Variants in SLC38A4 observed in about 807,000 individuals in gnomAD.
SLC38A4 encodes solute carrier family 38 member 4, also known as sodium-coupled neutral amino acid transporter 4.
In SLC38A4, 20 loss-of-function variants were observed where a neutral mutation model predicts 63.1. That is an observed-to-expected ratio of 0.32 (90% CI 0.22 to 0.46). SLC38A4 has a LOEUF of 0.46. Among genes scored for constraint, SLC38A4 ranks in the 20% least tolerant of loss-of-function variants. The pLI is 1.00. For synonymous variants in SLC38A4, 230 were observed against 225.5 expected, an observed-to-expected ratio of 1.02 and a Z score of -0.18; for missense variants, 526 against 663.6, an observed-to-expected ratio of 0.79 and a Z score of 2.28.
At chr12:46,805,868 T>A (rs75017413) in intron 1 of SLC38A4, among the ~76,000 whole-genome samples, 9,111 of 152,002 alleles carry the variant, frequency 0.06, 344 homozygotes, top group Middle Eastern at 0.12. Context: ...AATAGATATA[T>A]GAGATTTGGT....
chr12:46,819,670 A>T (rs947288266), intron 1 of SLC38A4, among the ~76,000 whole-genome samples: 3 of 151,876 alleles, frequency 2.0e-5, no homozygotes, highest in African/African-American at 7.2e-5. Flanking sequence ...GTATAGATAA[A>T]CTACAACAGA....
At chr12:46,768,511 T>C in intron 15 of SLC38A4, 104 bp from the exon 16 acceptor site, 1 of 647,256 alleles carries the variant, frequency 1.5e-6, no homozygotes, top group Non-Finnish European at 2.5e-6. Flanking sequence ...AGCTATCCTA[T>C]ACTTAGCACT....
rs201866722 is a variant in SLC38A4, at chr12:46,766,752, T to C, written c.1593A>G (p.Ala531=). The change falls in exon 17 of 17, where the codon GCA becomes GCG. Residue 531 remains alanine, a synonymous_variant. Transcript: ENST00000266579. The part of the protein sequence containing the change: ...VGIFFMIGSM[A]LIIIDWIYDP... ...CATAAATCCAGTCAATTATAATGAG[T>C]GCCATGCTTCCAATCATGAAGAATA... 6.2e-6 allele frequency: 10 copies of C among 1,612,202 alleles called. No individual in the cohort carries two copies. The highest frequency in any genetic ancestry group is 2.2e-5 in the East Asian group (1 of 44,772).
chr12:46,777,938 C>T (rs564770075), intron 12 of SLC38A4, among the ~76,000 whole-genome samples: 38 of 152,076 alleles, frequency 2.5e-4, no homozygotes, highest in African/African-American at 8.9e-4. Context: ...AAGTTTTGGT[C>T]GTCATGGGTG....
At chr12:46,784,155 A>C (rs180429) in intron 7 of SLC38A4, among the ~76,000 whole-genome samples, 101,740 of 151,790 alleles carry the variant, frequency 0.67, 36,522 homozygotes, top group Middle Eastern at 0.84. Context: ...CCCCCAGACA[A>C]CCACTTTTCA....
intron 2 of SLC38A4, among the ~76,000 whole-genome samples, chr12:46,801,929 T>G (rs1432474773): frequency 2.0e-5 from 3 of 152,112 alleles, no homozygotes; most frequent in Non-Finnish European, 2.9e-5. Context: ...TATTTCCTAT[T>G]GCTAGTGCTA....
intron 1 of SLC38A4, among the ~76,000 whole-genome samples, chr12:46,821,734 A>G (rs748555109): frequency 1.3e-5 from 2 of 152,082 alleles, no homozygotes; most frequent in Non-Finnish European, 2.9e-5. Flanking sequence ...AAAAAATGCC[A>G]TTGGGATTTT....
At chr12:46,777,334 A>C (rs1432124747) in intron 12 of SLC38A4, among the ~76,000 whole-genome samples, 6 of 151,920 alleles carry the variant, frequency 3.9e-5, no homozygotes, top group Non-Finnish European at 8.8e-5. Context: ...AAGCTTTTGC[A>C]TTTCATAATG....
At chr12:46,807,197 T>A (rs1011643148) in intron 1 of SLC38A4, among the ~76,000 whole-genome samples, 18 of 152,050 alleles carry the variant, frequency 1.2e-4, no homozygotes, top group Middle Eastern at 3.2e-3. Context: ...ATGTATTTTT[T>A]AATACTTTTG....
chr12:46,830,060 G>A (rs1223939307), upstream of SLC38A4, among the ~76,000 whole-genome samples: 2 of 138,708 alleles, frequency 1.4e-5, no homozygotes, highest in African/African-American at 5.1e-5. Context: ...CTTGCCTCCT[G>A]TCCCAGCAGC....
intron 1 of SLC38A4, among the ~76,000 whole-genome samples, chr12:46,804,192 A>T (rs1012318347): frequency 6.6e-6 from 1 of 151,990 alleles, no homozygotes. Flanking sequence ...CGGTACAGTT[A>T]CTCAAGATGC....
chr12:46,805,852 A>G (rs1460894814), intron 1 of SLC38A4, among the ~76,000 whole-genome samples: 2 of 152,038 alleles, frequency 1.3e-5, no homozygotes, highest in African/African-American at 4.8e-5. Flanking sequence ...AATATGTGCC[A>G]CCATGAATAG....
At chr12:46,800,376 A>G (rs541423677) in intron 2 of SLC38A4, among the ~76,000 whole-genome samples, 1 of 152,104 alleles carries the variant, frequency 6.6e-6, no homozygotes, top group Non-Finnish European at 1.5e-5. Flanking sequence ...TGACCCAGAC[A>G]TAGCTCTTTA....
intron 13 of SLC38A4, 78 bp downstream of exon 13, chr12:46,776,826 T>A: frequency 1.5e-6 from 2 of 1,292,112 alleles, no homozygotes; most frequent in African/African-American, 1.5e-5. Flanking sequence ...AGGCAATTTT[T>A]AAAAATCATA....
intron 3 of SLC38A4, among the ~76,000 whole-genome samples, chr12:46,789,408 G>A (rs528559028): frequency 1.3e-5 from 2 of 152,234 alleles, no homozygotes; most frequent in East Asian, 3.9e-4. Context: ...AAAAGAGTTG[G>A]GAGGGAAAGA....
At chr12:46,810,305 ATGT>A (rs1001031400) in intron 1 of SLC38A4, among the ~76,000 whole-genome samples, 32 of 152,000 alleles carry the variant, frequency 2.1e-4, no homozygotes, top group African/African-American at 7.0e-4. Context: ...TTCAAAGATT[ATGT>A]TGTTCTCACT....
chr12:46,831,974 G>A (rs1939738071), intron 1 of SLC38A4, among the ~76,000 whole-genome samples: 1 of 148,504 alleles, frequency 6.7e-6, no homozygotes, highest in African/African-American at 2.6e-5. Flanking sequence ...CCTGGAATAG[G>A]CTACCTTGGC....
Position 46,769,332 on chromosome 12 carries a change from C to A in SLC38A4, c.1396G>T (p.Val466Phe). 6.2e-7 allele frequency: 1 copy of A among 1,613,414 alleles called. No individual in the cohort carries two copies. The highest frequency in any genetic ancestry group is 8.5e-7 in the Non-Finnish European group (1 of 1,179,558). ...IAAVLIALNN[V>F]LVILVPTIKY... ...ATAGTTGGCACAAGGATGACCAGAA[C>A]ATTATTAAGTGCAATAAGCACAGCT... is the stretch of plus-strand genomic sequence containing the variant. Residue 466 changes from valine (V) to phenylalanine (F), a missense_variant, in exon 15 of 17, where the codon GTT becomes TTT. Coordinates refer to ENST00000266579, the MANE Select transcript of SLC38A4 (RefSeq NM_018018.5).
At chr12:46,787,815 G>C (rs1592183061) in intron 5 of SLC38A4, 101 bp downstream of exon 5, 3 of 813,286 alleles carry the variant, frequency 3.7e-6, no homozygotes, top group African/African-American at 1.7e-5. Context: ...CCTCCTCTGA[G>C]TCTTCACGTT....
Sources: allele counts gnomAD v4.1 joint callset (sites outside exome capture counted in the v4.1 genomes callset), GRCh38; gene constraint gnomAD v4.1.1; transcripts MANE v1.5; gene names NCBI Gene and HGNC (gene_info 2026-07-23, HGNC 2026-07-21).